OTOGL: variants seen among roughly 807,000 people sequenced by gnomAD.
OTOGL encodes the protein otogelin-like protein.
A neutral mutation model predicts 318.5 loss-of-function variants in OTOGL; 285 were observed. The ratio of observed to expected loss-of-function variants is 0.89; its 90% CI spans 0.81 to 0.99. The LOEUF (loss-of-function observed/expected upper bound fraction) is 0.99. Among genes scored for constraint, OTOGL ranks in the 50% least tolerant of loss-of-function variants. The pLI is 0.00. For missense variants in OTOGL, 2,899 were observed against 2,845.6 expected (o/e 1.02, Z -0.43); for synonymous variants, 987 against 936.5 (o/e 1.05, Z -0.99).
intron 35 of OTOGL, 92 bp from the exon 36 acceptor site, chr12:80,328,573 A>G: frequency 1.0e-6 from 1 of 952,836 alleles, no homozygotes; most frequent in East Asian, 2.6e-5. Flanking sequence ...TTTAGGAAGA[A>G]TATATCTTAG....
intron 44 of OTOGL, among the ~76,000 whole-genome samples, chr12:80,345,988 C>A (rs1889173358): frequency 6.6e-6 from 1 of 152,098 alleles, no homozygotes; most frequent in Admixed American, 6.6e-5. Flanking sequence ...TTGGATATTG[C>A]AAAACGGAGG....
chr12:80,151,768 T>C (rs907787976), intron 1 of OTOGL, among the ~76,000 whole-genome samples: 1 of 152,198 alleles, frequency 6.6e-6, no homozygotes, highest in Admixed American at 6.5e-5. Context: ...TAGTCACTAA[T>C]AGACTAGTCA....
chr12:80,342,989 C>T (rs187737627), intron 44 of OTOGL, among the ~76,000 whole-genome samples: 1 of 152,232 alleles, frequency 6.6e-6, no homozygotes, highest in African/African-American at 2.4e-5. Context: ...TCAAGTGATT[C>T]TCCTGCCTCA....
intron 4 of OTOGL, among the ~76,000 whole-genome samples, chr12:80,215,165 T>C (rs1000488919): frequency 2.0e-5 from 3 of 149,616 alleles, no homozygotes; most frequent in South Asian, 4.2e-4. Context: ...TGTTTACAAG[T>C]CTTTTTTTTT....
At chr12:80,191,025 G>C (rs989381706) in intron 1 of OTOGL, among the ~76,000 whole-genome samples, 1 of 152,186 alleles carries the variant, frequency 6.6e-6, no homozygotes, top group Non-Finnish European at 1.5e-5. Context: ...AGTGGGATGG[G>C]AACAGACAGG....
intron 1 of OTOGL, among the ~76,000 whole-genome samples, chr12:80,206,302 A>G (rs529761143): frequency 6.6e-6 from 1 of 152,298 alleles, no homozygotes; most frequent in South Asian, 2.1e-4. Context: ...GCAGGCTACC[A>G]TTTCATATAT....
intron 11 of OTOGL, among the ~76,000 whole-genome samples, chr12:80,242,947 T>C (rs908067103): frequency 2.0e-5 from 3 of 152,136 alleles, no homozygotes; most frequent in Non-Finnish European, 4.4e-5. Context: ...CTGTTTCTGC[T>C]TCTAAGAATG....
intron 24 of OTOGL, among the ~76,000 whole-genome samples, chr12:80,273,606 T>C (rs1036873125): frequency 6.6e-6 from 1 of 152,106 alleles, no homozygotes; most frequent in African/African-American, 2.4e-5. Context: ...ACACCAGTTA[T>C]ATAGTAAGAG....
intron 37 of OTOGL, among the ~76,000 whole-genome samples, chr12:80,331,038 T>C (rs1888035135): frequency 6.6e-6 from 1 of 152,194 alleles, no homozygotes; most frequent in Non-Finnish European, 1.5e-5. Context: ...TACTCCCAAA[T>C]TGTATTTATA....
chr12:80,286,061 A>G (rs1195092866), intron 26 of OTOGL, among the ~76,000 whole-genome samples: 2 of 152,122 alleles, frequency 1.3e-5, no homozygotes, highest in African/African-American at 2.4e-5. Context: ...TACCTGATTT[A>G]TTGAGTGTTT....
intron 38 of OTOGL, among the ~76,000 whole-genome samples, chr12:80,334,531 G>A (rs144275920): frequency 1.8e-4 from 28 of 152,212 alleles, no homozygotes; most frequent in African/African-American, 6.5e-4. Context: ...AGTAAAGGGA[G>A]TGAGTACAGA....
chr12:80,107,893 T>C (rs1332786510), intron 1 of OTOGL, among the ~76,000 whole-genome samples: 1 of 151,900 alleles, frequency 6.6e-6, no homozygotes, highest in African/African-American at 2.4e-5. Context: ...GGGAGCTAAG[T>C]AACAAGAATA....
At chr12:80,204,826 G>A (rs1876701021) in intron 1 of OTOGL, among the ~76,000 whole-genome samples, 1 of 152,080 alleles carries the variant, frequency 6.6e-6, no homozygotes, top group Non-Finnish European at 1.5e-5. Flanking sequence ...ATATTCTGTG[G>A]TCTGTGAACC....
At chr12:80,193,931 C>T (rs546487120) in intron 1 of OTOGL, among the ~76,000 whole-genome samples, 2 of 152,288 alleles carry the variant, frequency 1.3e-5, no homozygotes, top group East Asian at 1.9e-4. Flanking sequence ...ATGCCAAGAC[C>T]CAGAGAAGTA....
At chr12:80,363,805 C>T (rs926221049) in intron 52 of OTOGL, among the ~76,000 whole-genome samples, 1 of 152,120 alleles carries the variant, frequency 6.6e-6, no homozygotes, top group Non-Finnish European at 1.5e-5. Flanking sequence ...GCCTTTCCTC[C>T]TATGGGATTT....
chr12:80,303,515 G>T (rs963040431), intron 28 of OTOGL, among the ~76,000 whole-genome samples: 1 of 152,128 alleles, frequency 6.6e-6, no homozygotes, highest in Admixed American at 6.5e-5. Flanking sequence ...TATAGATTTT[G>T]ACAAATGCAT....
At chr12:80,348,667 C>T (rs902621502) in intron 44 of OTOGL, among the ~76,000 whole-genome samples, 2 of 152,144 alleles carry the variant, frequency 1.3e-5, no homozygotes, top group African/African-American at 4.8e-5. Flanking sequence ...AAAGTTCTTA[C>T]CAGGGCTGTC....
At chr12:80,108,519 T>C (rs1869592555) in intron 1 of OTOGL, among the ~76,000 whole-genome samples, 1 of 151,682 alleles carries the variant, frequency 6.6e-6, no homozygotes, top group Admixed American at 6.6e-5. Context: ...TTGTTACTTT[T>C]TTTTCTCTTT....
intron 26 of OTOGL, among the ~76,000 whole-genome samples, chr12:80,287,709 G>C (rs1280066371): frequency 6.6e-6 from 1 of 151,944 alleles, no homozygotes; most frequent in Non-Finnish European, 1.5e-5. Context: ...TCAGAGATTA[G>C]GATTACAACT....
Sources: allele counts gnomAD v4.1 joint callset (sites outside exome capture counted in the v4.1 genomes callset), GRCh38; gene constraint gnomAD v4.1.1; transcripts MANE v1.5; gene names NCBI Gene and HGNC (gene_info 2026-07-23, HGNC 2026-07-21).